The following N4BP2L2 variants were observed in gnomAD, a reference collection of about 807,000 sequenced individuals.
The protein encoded by N4BP2L2 is NEDD4-binding protein 2-like 2.
Under a neutral mutation model 56.2 loss-of-function variants are expected in N4BP2L2, and 50 were observed. The ratio of observed to expected loss-of-function variants is 0.89; its 90% confidence interval spans 0.71 to 1.13. The LOEUF is 1.13. Ranked by LOEUF, N4BP2L2 falls within the 50% of genes most tolerant of loss-of-function variation. The pLI is 0.00. For synonymous variants in N4BP2L2, 203 were observed against 223.6 expected (o/e 0.91, Z 0.82); for missense variants, 689 against 693.8 (o/e 0.99, Z 0.08).
intron 8 of N4BP2L2, chr13:32,438,608 A>G: frequency 6.8e-7 from 1 of 1,475,436 alleles, no homozygotes; most frequent in Non-Finnish European, 9.3e-7. Context: ...TCAAACAACA[A>G]CAACAACAAA....
chr13:32,474,594 T>G (rs1360612460), intron 6 of N4BP2L2, among the ~76,000 whole-genome samples: 1 of 151,232 alleles, frequency 6.6e-6, no homozygotes, highest in Non-Finnish European at 1.5e-5. Context: ...CTCGGAAGGC[T>G]GAGGCAGGAG....
chr13:32,441,436 C>T (rs974586405), intron 7 of N4BP2L2, among the ~76,000 whole-genome samples: 1 of 152,124 alleles, frequency 6.6e-6, no homozygotes, highest in African/African-American at 2.4e-5. Context: ...GTAATCCCAG[C>T]ACTTTGGGAG....
intron 6 of N4BP2L2, chr13:32,477,955 G>A: frequency 7.8e-7 from 1 of 1,289,316 alleles, no homozygotes. Context: ...GCTGCTCTTG[G>A]TCATGTCCTT....
In N4BP2L2 at chr13:32,470,993, T is replaced by C. The variant is rs148262517; in HGVS notation, c.366-26867A>G. On this transcript the variant is annotated intron_variant, in intron 6 of 9. Coordinates refer to the N4BP2L2 transcript ENST00000357505. ...ACAGTCTAGCCTAGTACTGACACCA[T>C]ATGGTTTGAAACCAGGTGCAGGCAA... 1.9e-3 allele frequency among the ~76,000 whole-genome samples: 296 copies of C among 152,332 alleles called. 1 individual carries two copies. Among genetic ancestry groups the C allele is most frequent in the African/African-American group, 6.5e-3 (271 of 41,576 alleles).
intron 7 of N4BP2L2, among the ~76,000 whole-genome samples, chr13:32,439,858 A>AC (rs2076027877): frequency 3.5e-5 from 1 of 28,562 alleles, no homozygotes; most frequent in Admixed American, 4.5e-4. Context: ...TAAGAATCCA[A>AC]AAAAAAAAAA....
At chr13:32,441,769 C>T (rs948722331) in intron 7 of N4BP2L2, among the ~76,000 whole-genome samples, 19 of 149,692 alleles carry the variant, frequency 1.3e-4, no homozygotes, top group African/African-American at 3.9e-4. Flanking sequence ...TTTGGCCGGG[C>T]GCGGTGGCTC....
rs372981308 is a variant in N4BP2L2 at position 32,439,909 on chromosome 13, C to G, written c.2105-1172G>C. Reference sequence around the variant, plus strand: ...GGCGCAGTGGCGGGCACCTGTAATCCCACCTACTTGGGAAGCTGAGGCAGG... The same window carrying G: ...GGCGCAGTGGCGGGCACCTGTAATCGCACCTACTTGGGAAGCTGAGGCAGG... On this transcript the variant is annotated intron_variant, in intron 7 of 9. Transcript: ENST00000357505. Among the ~76,000 whole-genome samples the G allele has an allele frequency of 3.2e-4, 48 of 150,756 alleles. No homozygotes were observed. The East Asian group carries it at 8.9e-3, about 28-fold the overall frequency.
chr13:32,484,102 A>T, intron 6 of N4BP2L2, among the ~76,000 whole-genome samples: 1 of 152,092 alleles, frequency 6.6e-6, no homozygotes, highest in East Asian at 1.9e-4. Context: ...TTCTGCCAAG[A>T]GTTTGAGTCC....
exon 6 of N4BP2L2, chr13:32,517,871 T>C (rs35920289): frequency 6.2e-7 from 1 of 1,613,964 alleles, no homozygotes; most frequent in Non-Finnish European, 8.5e-7. Flanking sequence ...GTCTCCCCTG[T>C]GGAGGAGGAG....
intron 6 of N4BP2L2, among the ~76,000 whole-genome samples, chr13:32,452,822 T>C (rs1417006150): frequency 6.6e-6 from 1 of 152,174 alleles, no homozygotes; most frequent in Non-Finnish European, 1.5e-5. Flanking sequence ...AACGTTTCTT[T>C]AAATCAGAAA....
At chr13:32,495,421 C>A (rs1205331539) in intron 6 of N4BP2L2, among the ~76,000 whole-genome samples, 1 of 152,122 alleles carries the variant, frequency 6.6e-6, no homozygotes, top group African/African-American at 2.4e-5. Context: ...GCAGTCAATC[C>A]CTACCCCCAG....
In N4BP2L2 at chr13:32,517,286, T is replaced by C. The variant is rs2049447027; in HGVS notation, c.*516A>G. On this transcript the variant is annotated 3_prime_UTR_variant, in exon 6 of 6. Coordinates refer to ENST00000267068, the Ensembl canonical transcript of N4BP2L2. Reference sequence around the variant, plus strand: ...GGAATTTTGTTTGAACTAAGTGATGTGCTGATTATAGCTAAGAAATAATTT... The same window carrying C: ...GGAATTTTGTTTGAACTAAGTGATGCGCTGATTATAGCTAAGAAATAATTT... The C allele has an allele frequency of 3.0e-6, 3 of 986,792 alleles. No individual in the cohort carries two copies. In the South Asian group the frequency reaches 1.4e-4, roughly 46 times the overall value. 61.1% of individuals were successfully genotyped at this position (986,792 alleles called of 1,614,324 possible). A position where few individuals can be genotyped will look rare whatever the true frequency, so the allele number is the denominator to read the frequency against.
At chr13:32,515,658 G>A (rs966551549) in exon 6 of N4BP2L2, 2 of 109,838 alleles carry the variant, frequency 1.8e-5, no homozygotes, top group Non-Finnish European at 4.4e-5. Context: ...AACTTAATAT[G>A]AACATATTTC....
chr13:32,526,757 C>T (rs958989768), intron 3 of N4BP2L2: 3 of 150,600 alleles, frequency 2.0e-5, no homozygotes, highest in Non-Finnish European at 4.4e-5. Context: ...AATGTTTAGG[C>T]CCCACCCCAG....
At chr13:32,436,186 G>T (rs2075452618) in intron 9 of N4BP2L2, among the ~76,000 whole-genome samples, 1 of 152,160 alleles carries the variant, frequency 6.6e-6, no homozygotes, top group Non-Finnish European at 1.5e-5. Flanking sequence ...TACACTTAAA[G>T]GAAATAAAAA....
At chr13:32,456,802 G>A (rs1018948937) in intron 6 of N4BP2L2, among the ~76,000 whole-genome samples, 1 of 152,158 alleles carries the variant, frequency 6.6e-6, no homozygotes. Flanking sequence ...AGAACTTAAA[G>A]ACAAGTCTTT....
chr13:32,464,396 G>A (rs1229846940), intron 6 of N4BP2L2, among the ~76,000 whole-genome samples: 2 of 152,142 alleles, frequency 1.3e-5, no homozygotes, highest in Non-Finnish European at 2.9e-5. Flanking sequence ...ATATGTTTGT[G>A]TTTTTTTCTG....
At chr13:32,495,745 G>A (rs373891167) in intron 6 of N4BP2L2, among the ~76,000 whole-genome samples, 3 of 151,898 alleles carry the variant, frequency 2.0e-5, no homozygotes, top group Admixed American at 6.6e-5. Context: ...GTGCAGTGGC[G>A]TGATCCCAGC....
intron 6 of N4BP2L2, among the ~76,000 whole-genome samples, chr13:32,458,506 A>G (rs2079396453): frequency 6.6e-6 from 1 of 152,230 alleles, no homozygotes. Flanking sequence ...GAGTAGCTAT[A>G]CTTAGATAAA....
Sources: allele counts gnomAD v4.1 joint callset (sites outside exome capture counted in the v4.1 genomes callset), GRCh38; gene constraint gnomAD v4.1.1; transcripts MANE v1.5; gene names NCBI Gene and HGNC (gene_info 2026-07-23, HGNC 2026-07-21).